Variants in TOP3B observed in about 807,000 individuals in gnomAD.
TOP3B encodes the protein DNA topoisomerase 3-beta-1.
In TOP3B, 45 loss-of-function variants were observed where a neutral mutation model predicts 93.9. That is an observed-to-expected ratio of 0.48 (90% CI 0.38 to 0.61). TOP3B has a LOEUF of 0.61. TOP3B is among the 20% of genes least tolerant of loss of function. The pLI, the probability that TOP3B is intolerant of heterozygous loss-of-function variation, is 0.00. For synonymous variants in TOP3B, 357 were observed against 472.6 expected, an observed-to-expected ratio of 0.76 and a Z score of 3.17; for missense variants, 750 against 1,156.1, an observed-to-expected ratio of 0.65 and a Z score of 5.09.
chr22:21,967,340 G>A (rs1490955781), intron 8 of TOP3B: 2 of 436,020 alleles, frequency 4.6e-6, no homozygotes, highest in African/African-American at 2.0e-5. Context: ...AAAGGGGAGA[G>A]TGGAAGGGGT....
intron 1 of TOP3B, chr22:21,976,595 T>C (rs1246878202): frequency 6.6e-6 from 1 of 152,190 alleles, no homozygotes; most frequent in East Asian, 1.9e-4. Context: ...AGCCCTCCTG[T>C]GCCCACAGCT....
intron 15 of TOP3B, 102 bp from the exon 16 acceptor site, chr22:21,959,334 C>T (rs866076536): frequency 1.8e-5 from 28 of 1,554,278 alleles, no homozygotes; most frequent in Middle Eastern, 2.0e-4. Context: ...TCCCTATAGG[C>T]GGTGGTTTCT....
chr22:21,968,251 C>T, intron 7 of TOP3B: 1 of 240,182 alleles, frequency 4.2e-6, no homozygotes, highest in Non-Finnish European at 8.1e-6. Flanking sequence ...CAGTGAGCTT[C>T]TGTGGAGGCT....
At position 21,975,691 on chromosome 22, in the gene TOP3B, C is replaced by A; in HGVS notation, c.19G>T (p.Val7Phe). The change falls in exon 2 of 18, where the codon GTT becomes TTT. Residue 7 changes from valine (V) to phenylalanine (F), a missense_variant. Around this residue, in one of 4 missense-constraint regions of TOP3B, gnomAD observed 737 missense variants for 933.7 expected, o/e 0.79. Coordinates refer to ENST00000357179, the MANE Select transcript of TOP3B (RefSeq NM_001282112.2). ...TGTGCCAAGGACGGCTTTTCAGCAA[C>A]CATGAGCACAGTCTTCATTTTGTCT... is the stretch of plus-strand genomic sequence containing the variant. MKTVLM[V>F]AEKPSLAQSI... 1 of 1,611,902 alleles carries A rather than the reference C, an allele frequency of 6.2e-7. No homozygotes were observed. The highest frequency in any genetic ancestry group is 1.3e-5 in the African/African-American group (1 of 75,018).
At chr22:21,961,234 T>A (rs970797680) in intron 13 of TOP3B, 1 of 152,260 alleles carries the variant, frequency 6.6e-6, no homozygotes, top group Non-Finnish European at 1.5e-5. Flanking sequence ...CTGCACCCGG[T>A]GTGGCAGGCT....
Position 21,967,593 on chromosome 22 carries a change from G to A in TOP3B, c.852+10C>T. The A allele has an allele frequency of 6.2e-7, 1 of 1,611,744 alleles. No homozygotes were observed. Among genetic ancestry groups the A allele is most frequent in the African/African-American group, 1.3e-5 (1 of 75,004 alleles). ...GGCAACTGTGATAGATGTGGGTGGA[G>A]CAGGCACACCTGGGCTTCCTTCTCC... On this transcript the variant is annotated intron_variant, in intron 8 of 17. Coordinates refer to ENST00000357179, the MANE Select transcript of TOP3B (RefSeq NM_001282112.2).
In TOP3B at chr22:21,962,536, C is replaced by T; in HGVS notation, c.1418G>A (p.Gly473Asp). The T allele has an allele frequency of 6.2e-7, 1 of 1,613,680 alleles. No individual in the cohort carries two copies. The highest frequency in any genetic ancestry group is 1.1e-5 in the South Asian group (1 of 91,082). Residue 473 changes from glycine (G) to aspartate (D), a missense_variant, in exon 13 of 18, where the codon GGT (glycine) becomes GAT (aspartate). Transcript: ENST00000357179. ...CACCTCGCCCACAGGGAAGGCATCA[C>T]CCCGCTGGCAAGTGGGCAGGCTCTC... ...LEESLPTCQR[G>D]DAFPVGEVKM...
chr22:21,964,146 C>T lies in TOP3B; in HGVS notation c.1098+15G>A. The T allele has an allele frequency of 6.2e-7, 1 of 1,613,920 alleles. No homozygotes were observed. The highest frequency in any genetic ancestry group is 1.1e-5 in the South Asian group (1 of 91,074). ...TGACACACACACATGCTGAGGCCGG[C>T]CCGGCTCCACTCACCGTGTCGGCCC... On this transcript the variant is annotated intron_variant, in intron 10 of 17. Transcript: ENST00000357179.
chr22:21,975,479 G>C (rs9610773), intron 2 of TOP3B, 161 bp downstream of exon 2: 83,156 of 735,012 alleles, frequency 0.11, 5,017 homozygotes, highest in African/African-American at 0.13. Context: ...GCCAGGAGTG[G>C]AAGCAAATGC....
At chr22:21,980,745 C>T (rs1440963769) in intron 1 of TOP3B, among the ~76,000 whole-genome samples, 20 of 152,232 alleles carry the variant, frequency 1.3e-4, no homozygotes, top group Admixed American at 6.5e-5. Flanking sequence ...CAGCAGGCTT[C>T]GGCCTAGGCC....
At chr22:21,976,834 C>T (rs2071892702) in intron 1 of TOP3B, 1 of 151,792 alleles carries the variant, frequency 6.6e-6, no homozygotes, top group Non-Finnish European at 1.5e-5. Context: ...TGTTTATAAA[C>T]ATAGCACCGT....
chr22:21,972,834 AT>A, intron 3 of TOP3B, 116 bp from the exon 4 acceptor site: 1 of 872,770 alleles, frequency 1.1e-6, no homozygotes, highest in East Asian at 2.6e-5. Flanking sequence ...TTGGAGAACA[AT>A]TTGCCCAGGG....
intron 15 of TOP3B, 47 bp from the exon 16 acceptor site, chr22:21,959,279 C>A: frequency 6.2e-7 from 1 of 1,603,996 alleles, no homozygotes; most frequent in Non-Finnish European, 8.5e-7. Flanking sequence ...CAGTCCCCAG[C>A]AAAAGGCTCC....
intron 13 of TOP3B, 88 bp from the exon 14 acceptor site, chr22:21,960,537 G>C: frequency 6.4e-7 from 1 of 1,562,750 alleles, no homozygotes; most frequent in Non-Finnish European, 8.7e-7. Flanking sequence ...CGGGGCCCCT[G>C]GTGCTCAGGC....
intron 13 of TOP3B, chr22:21,962,028 C>T: frequency 2.2e-6 from 2 of 922,110 alleles, no homozygotes; most frequent in East Asian, 6.4e-5. Flanking sequence ...CCCAGGGAAG[C>T]AGCTCCTGTG....
intron 6 of TOP3B, chr22:21,969,622 AT>A (rs1160881315): frequency 4.6e-5 from 7 of 151,272 alleles, no homozygotes; most frequent in Admixed American, 3.3e-4. Context: ...AAACAAAAAA[AT>A]AAATAAATTT....
intron 17 of TOP3B, 40 bp from the exon 18 acceptor site, chr22:21,957,635 TGCCCACC>T: frequency 7.8e-7 from 1 of 1,280,100 alleles, no homozygotes; most frequent in Non-Finnish European, 1.0e-6. Context: ...ACGCCCACTG[TGCCCACC>T]TGCCCTCTGC....
chr22:21,981,438 C>A (rs1471615590), intron 1 of TOP3B, among the ~76,000 whole-genome samples: 2 of 152,202 alleles, frequency 1.3e-5, no homozygotes, highest in Non-Finnish European at 2.9e-5. Context: ...CTTGGTACAG[C>A]TTCCATCTAC....
rs1350112937 is a variant in TOP3B, at chr22:21,971,780, C to G, written c.384+97G>C. 1 of 1,095,980 alleles carries G rather than the reference C, an allele frequency of 9.1e-7. No homozygotes were observed. Among genetic ancestry groups the G allele is most frequent in the African/African-American group, 1.5e-5 (1 of 64,782 alleles). The allele number at this position is 1,095,980 out of a possible 1,614,324, so 67.9% of individuals were successfully genotyped here. On this transcript the variant is annotated intron_variant, in intron 5 of 17. Transcript: ENST00000357179. The surrounding 1 kb of genome is among the most constrained non-coding windows in gnomAD (Gnocchi z 4.6). ...TTAAACCGGTACAGTTTACTCCCTC[C>G]TTTGGCCCCAGGAGTGATGTGACTG...
Sources: allele counts gnomAD v4.1 joint callset (sites outside exome capture counted in the v4.1 genomes callset), GRCh38; gene constraint gnomAD v4.1.1; regional missense constraint gnomAD v4.1.1; non-coding constraint Gnocchi (gnomAD v3.1); transcripts MANE v1.5; gene names NCBI Gene and HGNC (gene_info 2026-07-23, HGNC 2026-07-21).